The following BCL11A variants were observed in gnomAD, a reference collection of about 807,000 sequenced individuals.
BCL11A encodes BCL11 transcription factor A.
In BCL11A, 2 loss-of-function variants were observed where a neutral mutation model predicts 55.9. That is an observed-to-expected ratio of 0.04 (90% CI 0.01 to 0.11). The LOEUF (loss-of-function observed/expected upper bound fraction) is 0.11. Ranked by LOEUF, BCL11A falls within the 10% of genes least tolerant of loss-of-function variation. BCL11A has a pLI of 1.00. For missense variants in BCL11A, 817 were observed against 1,137.1 expected, an observed-to-expected ratio of 0.72 and a Z score of 4.05; for synonymous variants, 465 against 473.4, an observed-to-expected ratio of 0.98 and a Z score of 0.23.
chr2:60,497,696 T>C (rs1264428535), intron 2 of BCL11A, among the ~76,000 whole-genome samples: 1 of 152,190 alleles, frequency 6.6e-6, no homozygotes, highest in Non-Finnish European at 1.5e-5. Context: ...CATCCTTTAC[T>C]TTTTTTGGAA....
intron 3 of BCL11A, among the ~76,000 whole-genome samples, chr2:60,466,501 A>G (rs1436499455): frequency 1.3e-5 from 2 of 152,174 alleles, no homozygotes; most frequent in East Asian, 3.9e-4. Flanking sequence ...GGAAGGGAGC[A>G]GATGAGGTGC....
intron 2 of BCL11A, among the ~76,000 whole-genome samples, chr2:60,494,561 G>C (rs899614850): frequency 1.2e-4 from 19 of 152,222 alleles, no homozygotes; most frequent in African/African-American, 4.6e-4. Context: ...GCCAGACTTG[G>C]GGCAATACAG....
intron 2 of BCL11A, chr2:60,525,321 G>T (rs1446288217): frequency 6.6e-6 from 1 of 152,120 alleles, no homozygotes; most frequent in East Asian, 1.9e-4. Context: ...AAAACAGCTT[G>T]CAACAATTAA....
Position 60,516,988 on chromosome 2 carries a change from T to TATTTA in BCL11A, c.385+28982_385+28983insTAAAT, listed in dbSNP as rs768278013. On this transcript the variant is annotated intron_variant, in intron 2 of 3. Coordinates refer to ENST00000642384, the MANE Select transcript of BCL11A (RefSeq NM_022893.4). Reference sequence around the variant, plus strand: ...AAAGAGATTATTTAGGAAGAAGAAGTGGCGGAGAATGGAATGAAGAATGTA... The same window carrying TATTTA: ...AAAGAGATTATTTAGGAAGAAGAAGTATTTAGGCGGAGAATGGAATGAAGAATGTA... Among the ~76,000 whole-genome samples, 1,212 of 152,250 alleles carry TATTTA rather than the reference T, an allele frequency of 8.0e-3. 14 individuals carry two copies. Among genetic ancestry groups the TATTTA allele is most frequent in the African/African-American group, 0.028 (1,157 of 41,526 alleles).
At chr2:60,456,955 C>T (rs1477219679), downstream of BCL11A, among the ~76,000 whole-genome samples, 1 of 152,154 alleles carries the variant, frequency 6.6e-6, no homozygotes, top group Non-Finnish European at 1.5e-5. Flanking sequence ...AGACTGAAAA[C>T]ACCTTCCATT....
intron 2 of BCL11A, among the ~76,000 whole-genome samples, chr2:60,513,940 C>T (rs141080792): frequency 5.3e-5 from 8 of 152,198 alleles, no homozygotes; most frequent in African/African-American, 1.9e-4. Flanking sequence ...TGGATTGAGT[C>T]GAGACCTGGA....
intron 2 of BCL11A, among the ~76,000 whole-genome samples, chr2:60,497,024 A>T (rs940900024): frequency 6.6e-6 from 1 of 152,226 alleles, no homozygotes; most frequent in Non-Finnish European, 1.5e-5. Context: ...AAGCTCTCAC[A>T]TGGAAGGAAG....
chr2:60,491,372 T>C (rs1300766091), intron 2 of BCL11A, among the ~76,000 whole-genome samples: 2 of 152,158 alleles, frequency 1.3e-5, no homozygotes, highest in African/African-American at 4.8e-5. Flanking sequence ...AAGTCCTAAC[T>C]ATCATTTGAA....
At chr2:60,505,849 G>C (rs942767098) in intron 2 of BCL11A, among the ~76,000 whole-genome samples, 5 of 152,222 alleles carry the variant, frequency 3.3e-5, no homozygotes, top group African/African-American at 1.2e-4. Flanking sequence ...CTCTACCTGA[G>C]GGAGGGGGAA....
At chr2:60,520,408 A>G (rs1446446698) in intron 2 of BCL11A, among the ~76,000 whole-genome samples, 2 of 152,236 alleles carry the variant, frequency 1.3e-5, no homozygotes, top group African/African-American at 4.8e-5. Flanking sequence ...ATCAGTGAGT[A>G]TAAATTCTGG....
chr2:60,475,141 C>T (rs890707871), intron 2 of BCL11A, among the ~76,000 whole-genome samples: 9 of 152,182 alleles, frequency 5.9e-5, no homozygotes, highest in Non-Finnish European at 1.3e-4. Context: ...GCCCAATAGG[C>T]GGTTACATTC....
At chr2:60,478,319 G>C (rs1334362189) in intron 2 of BCL11A, 1 of 152,282 alleles carries the variant, frequency 6.6e-6, no homozygotes, top group African/African-American at 2.4e-5. Context: ...TGTGGACAGG[G>C]AGGACAGGGC....
intron 2 of BCL11A, among the ~76,000 whole-genome samples, chr2:60,518,545 G>A (rs1189917009): frequency 6.6e-6 from 1 of 152,174 alleles, no homozygotes; most frequent in African/African-American, 2.4e-5. Flanking sequence ...TCGCACATGT[G>A]AATTTTAGCT....
chr2:60,458,115 A>C lies in BCL11A; in HGVS notation c.*2289T>G, dbSNP rs1676033244. On this transcript the variant is annotated 3_prime_UTR_variant, in exon 4 of 4. Transcript: ENST00000642384. ...CAGTTAAAAATACAAGCTTCAATAT[A>C]AATACTATAGTGCCTAACACTAGAT... 9.7e-7 allele frequency: 1 copy of C among 1,031,800 alleles called. No individual in the cohort carries two copies. The highest frequency in any genetic ancestry group is 1.7e-5 in the African/African-American group (1 of 59,246). The allele number at this position is 1,031,800 out of a possible 1,614,324, so 63.9% of individuals were successfully genotyped here. A position where few individuals can be genotyped will look rare whatever the true frequency, so the allele number is the denominator to read the frequency against.
chr2:60,464,237 AG>A (rs1390658943), intron 3 of BCL11A, among the ~76,000 whole-genome samples: 1 of 152,226 alleles, frequency 6.6e-6, no homozygotes, highest in Admixed American at 6.5e-5. Context: ...CTAATGTGGA[AG>A]GGGGAAAAAA....
chr2:60,552,382 C>G (rs1038762378), intron 1 of BCL11A, among the ~76,000 whole-genome samples: 50 of 152,076 alleles, frequency 3.3e-4, no homozygotes, highest in Non-Finnish European at 2.1e-4. Context: ...CTCCCGCGTG[C>G]CCCCGGCCGC....
chr2:60,476,845 T>A (rs1188832079), intron 2 of BCL11A, among the ~76,000 whole-genome samples: 4 of 152,238 alleles, frequency 2.6e-5, no homozygotes, highest in Admixed American at 2.6e-4. Context: ...GTTAACAATC[T>A]TTCTGTAATG....
intron 2 of BCL11A, among the ~76,000 whole-genome samples, chr2:60,488,085 CACTT>C (rs1198480781): frequency 6.6e-6 from 1 of 152,216 alleles, no homozygotes; most frequent in Non-Finnish European, 1.5e-5. Context: ...AACACAGTAA[CACTT>C]ACAATTTATT....
At chr2:60,477,321 C>T (rs1004564384) in intron 2 of BCL11A, among the ~76,000 whole-genome samples, 7 of 152,196 alleles carry the variant, frequency 4.6e-5, no homozygotes, top group African/African-American at 1.7e-4. Context: ...ACACAACTCC[C>T]AAATTACTCT....
Sources: allele counts gnomAD v4.1 joint callset (sites outside exome capture counted in the v4.1 genomes callset), GRCh38; gene constraint gnomAD v4.1.1; transcripts MANE v1.5; gene names NCBI Gene and HGNC (gene_info 2026-07-23, HGNC 2026-07-21).